The following SLC38A6 variants were observed in gnomAD, a reference collection of about 807,000 sequenced individuals.
SLC38A6 encodes N system amino acid transporter NAT-1.
A neutral mutation model predicts 65.0 loss-of-function variants in SLC38A6; 73 were observed. The ratio of observed to expected loss-of-function variants is 1.12; its 90% CI spans 0.93 to 1.37. The LOEUF is 1.37. Ranked by LOEUF, SLC38A6 falls within the 40% of genes most tolerant of loss-of-function variation. The probability of loss-of-function intolerance (pLI) is 0.00; values close to 1 mark genes in which losing one functional copy is unlikely to be tolerated. For missense variants in SLC38A6, 561 were observed against 531.1 expected, an observed-to-expected ratio of 1.06 and a Z score of -0.55; for synonymous variants, 183 against 178.8, an observed-to-expected ratio of 1.02 and a Z score of -0.19.
chr14:61,045,430 T>C lies in SLC38A6; in HGVS notation c.824+5T>C, dbSNP rs757870634. ...CATATACTGTGAACTTCAAAGGTAC[T>C]GTAGAATCCTGGAATATTTTAAATA... On this transcript the variant is annotated splice_donor_5th_base_variant and intron_variant, in intron 11 of 15. Coordinates refer to ENST00000267488, the MANE Select transcript of SLC38A6 (RefSeq NM_153811.3). 8 of 1,588,930 alleles carry C rather than the reference T, an allele frequency of 5.0e-6. No homozygotes were observed. Among genetic ancestry groups the C allele is most frequent in the Non-Finnish European group, 6.9e-6 (8 of 1,159,708 alleles).
chr14:61,048,003 A>G (rs1185289963), intron 12 of SLC38A6: 1 of 330,600 alleles, frequency 3.0e-6, no homozygotes, highest in Non-Finnish European at 5.9e-6. Context: ...ACATACATAC[A>G]TACATACATA....
rs2041913581 is a variant in SLC38A6, at chr14:61,043,175, G to A, written c.653G>A (p.Cys218Tyr). The change falls in exon 9 of 16, where the codon TGT becomes TAT. Residue 218 changes from cysteine (C) to tyrosine (Y), a missense_variant. Physicochemically the swap from Cys to Tyr is radical, Grantham distance 194. Transcript: ENST00000267488. ...VVIIKKWSIP[C>Y]PLTLNYVEKG... ...ATAATTAAAAAATGGTCCATCCCTT[G>A]TCCTCTGACATTAAATTATGTAGAG... The A allele has an allele frequency of 6.5e-7, 1 of 1,543,772 alleles. No individual in the cohort carries two copies. Among genetic ancestry groups the A allele is most frequent in the Non-Finnish European group, 8.9e-7 (1 of 1,129,732 alleles).
intron 5 of SLC38A6, among the ~76,000 whole-genome samples, chr14:61,020,093 TC>T (rs2040264380): frequency 6.6e-6 from 1 of 152,152 alleles, no homozygotes; most frequent in Admixed American, 6.5e-5. Flanking sequence ...TGTATCTTGT[TC>T]CTATTAATAA....
At chr14:60,985,885 C>T (rs2037415568) in intron 3 of SLC38A6, among the ~76,000 whole-genome samples, 1 of 152,082 alleles carries the variant, frequency 6.6e-6, no homozygotes, top group Non-Finnish European at 1.5e-5. Flanking sequence ...GATCACATGG[C>T]AAGAGAGGAA....
chr14:60,981,410 G>A (rs117141965), intron 1 of SLC38A6, 28 bp downstream of exon 1: 4 of 1,563,144 alleles, frequency 2.6e-6, no homozygotes, highest in East Asian at 2.4e-5. Context: ...GCTTCCCCGC[G>A]CTGACGCCCT....
At chr14:61,003,430 T>A (rs1220016430) in intron 3 of SLC38A6, among the ~76,000 whole-genome samples, 2 of 152,172 alleles carry the variant, frequency 1.3e-5, no homozygotes, top group Admixed American at 1.3e-4. Context: ...TTTTTCCAGT[T>A]GAAACAATAC....
intron 16 of SLC38A6, chr14:61,079,009 T>G (rs1440651360): frequency 6.5e-6 from 1 of 154,106 alleles, no homozygotes; most frequent in Non-Finnish European, 1.4e-5. Flanking sequence ...AGTCTCGAAC[T>G]CCTGAGCTCA....
At chr14:61,010,564 G>T (rs1161368263) in intron 3 of SLC38A6, among the ~76,000 whole-genome samples, 2 of 152,172 alleles carry the variant, frequency 1.3e-5, no homozygotes, top group Non-Finnish European at 2.9e-5. Context: ...TTTGTATAAA[G>T]CGTAAGGAAG....
intron 15 of SLC38A6, among the ~76,000 whole-genome samples, chr14:61,072,642 G>T (rs763787154): frequency 6.6e-6 from 1 of 152,132 alleles, no homozygotes; most frequent in African/African-American, 2.4e-5. Flanking sequence ...TTGTCTTTCT[G>T]TGTCTGGTTT....
rs769060487 is a variant in SLC38A6, at chr14:61,051,934, A to G, written c.1195+3A>G. ...TAGAAATGTATTTGGTGTAGTTGGT[A>G]AGTTTTCTGTTTCAAAAAGTTCACA... On this transcript the variant is annotated splice_donor_region_variant and intron_variant, in intron 14 of 15. Transcript: ENST00000267488. 8.1e-6 allele frequency: 13 copies of G among 1,605,708 alleles called. No homozygotes were observed. Among genetic ancestry groups the G allele is most frequent in the African/African-American group, 1.3e-5 (1 of 74,390 alleles).
intron 15 of SLC38A6, among the ~76,000 whole-genome samples, chr14:61,067,296 A>T (rs2043052945): frequency 6.6e-6 from 1 of 151,892 alleles, no homozygotes; most frequent in Non-Finnish European, 1.5e-5. Flanking sequence ...TTTGGGAAAA[A>T]CTCGAGTAAG....
intron 5 of SLC38A6, among the ~76,000 whole-genome samples, chr14:61,023,817 C>T (rs1316702000): frequency 6.6e-6 from 1 of 152,014 alleles, no homozygotes; most frequent in Non-Finnish European, 1.5e-5. Context: ...ATATTTGTTT[C>T]ATGTGTCTTT....
At chr14:61,024,531 G>A (rs969424869) in intron 5 of SLC38A6, among the ~76,000 whole-genome samples, 1 of 152,206 alleles carries the variant, frequency 6.6e-6, no homozygotes, top group African/African-American at 2.4e-5. Context: ...TTCTGGCTTA[G>A]AGAGTTTGAA....
chr14:61,075,650 A>T (rs1428228367), intron 15 of SLC38A6, among the ~76,000 whole-genome samples: 9 of 152,146 alleles, frequency 5.9e-5, no homozygotes. Flanking sequence ...ACAGAGGTAG[A>T]TCTTGGAGAT....
At chr14:61,036,988 G>GTGTGTA in intron 6 of SLC38A6, 71 bp from the exon 7 acceptor site, 1 of 745,310 alleles carries the variant, frequency 1.3e-6, no homozygotes, top group Non-Finnish European at 2.4e-6. Context: ...GTGTGTGTGT[G>GTGTGTA]TGTGTGTGTG....
chr14:60,991,980 A>T lies in SLC38A6; in HGVS notation c.310+7177A>T, dbSNP rs545633790. ...GCCCGATGGCCATACTAAATTGCAT[A>T]GGGACCTAGAAAATGTAGCGTTTAT... is the stretch of plus-strand genomic sequence containing the variant. On this transcript the variant is annotated intron_variant, in intron 3 of 15. Coordinates refer to ENST00000267488, the MANE Select transcript of SLC38A6 (RefSeq NM_153811.3). 2.8e-4 allele frequency among the ~76,000 whole-genome samples: 42 copies of T among 152,308 alleles called. 1 individual carries two copies. Among genetic ancestry groups the T allele is most frequent in the African/African-American group, 1.0e-3 (42 of 41,562 alleles).
intron 5 of SLC38A6, among the ~76,000 whole-genome samples, chr14:61,022,404 T>C (rs184716873): frequency 2.1e-3 from 317 of 151,754 alleles, no homozygotes; most frequent in Middle Eastern, 3.4e-3. Context: ...AGTCCATGTA[T>C]GCTTGCAAAC....
intron 8 of SLC38A6, among the ~76,000 whole-genome samples, chr14:61,041,524 T>C (rs1367717247): frequency 1.3e-5 from 2 of 152,226 alleles, no homozygotes; most frequent in East Asian, 3.8e-4. Flanking sequence ...ACAGAGTTTA[T>C]CTAGGTACCT....
At chr14:61,041,966 TTTG>T (rs967800909) in intron 8 of SLC38A6, among the ~76,000 whole-genome samples, 20 of 152,194 alleles carry the variant, frequency 1.3e-4, no homozygotes, top group Non-Finnish European at 2.1e-4. Flanking sequence ...ATCGTTTTTT[TTTG>T]TTGTTGTTGT....
Sources: allele counts gnomAD v4.1 joint callset (sites outside exome capture counted in the v4.1 genomes callset), GRCh38; gene constraint gnomAD v4.1.1; transcripts MANE v1.5; gene names NCBI Gene and HGNC (gene_info 2026-07-23, HGNC 2026-07-21).